Variants in CTNNA3 observed in about 807,000 individuals in gnomAD.
The protein encoded by CTNNA3 is catenin alpha-3.
CTNNA3 carries 76 observed loss-of-function variants against 95.7 expected under a neutral mutation model. The ratio of observed to expected loss-of-function variants is 0.79; its 90% CI spans 0.66 to 0.96. The LOEUF is 0.96. Among genes scored for constraint, CTNNA3 ranks in the 40% least tolerant of loss-of-function variants. CTNNA3 has a pLI of 0.00. For synonymous variants in CTNNA3, 431 were observed against 374.4 expected, an observed-to-expected ratio of 1.15 and a Z score of -1.74; for missense variants, 1,191 against 1,089.8, an observed-to-expected ratio of 1.09 and a Z score of -1.31.
intron 13 of CTNNA3, among the ~76,000 whole-genome samples, chr10:66,233,187 A>C (rs1187393147): frequency 7.8e-6 from 1 of 128,988 alleles, no homozygotes; most frequent in Non-Finnish European, 1.7e-5. Flanking sequence ...AAAAAAAAAA[A>C]AAAATTTCAG....
intron 10 of CTNNA3, among the ~76,000 whole-genome samples, chr10:66,556,577 A>G (rs1842396932): frequency 6.6e-6 from 1 of 152,088 alleles, no homozygotes; most frequent in Non-Finnish European, 1.5e-5. Context: ...TTTCAACAAC[A>G]TGAATGAACT....
At chr10:67,219,344 CA>C (rs771108858) in intron 6 of CTNNA3, among the ~76,000 whole-genome samples, 2 of 152,126 alleles carry the variant, frequency 1.3e-5, no homozygotes, top group Non-Finnish European at 2.9e-5. Flanking sequence ...CTACATAAAA[CA>C]AAGTCATCAT....
At chr10:66,098,601 T>C (rs1055770305) in intron 14 of CTNNA3, 1 of 152,202 alleles carries the variant, frequency 6.6e-6, no homozygotes, top group African/African-American at 2.4e-5. Flanking sequence ...ATCTTATTAA[T>C]AAGTTTAGAA....
At chr10:67,576,694 TC>T (rs1281721399) in intron 3 of CTNNA3, among the ~76,000 whole-genome samples, 2 of 112,450 alleles carry the variant, frequency 1.8e-5, no homozygotes, top group Non-Finnish European at 3.6e-5. Context: ...CCTAATGCTA[TC>T]CCTCCCCCCT....
At chr10:67,248,476 C>T (rs1482201229) in intron 5 of CTNNA3, among the ~76,000 whole-genome samples, 1 of 151,704 alleles carries the variant, frequency 6.6e-6, no homozygotes. Context: ...GTGCAGGTGG[C>T]ACAATTTTGG....
intron 13 of CTNNA3, among the ~76,000 whole-genome samples, chr10:66,219,862 A>G (rs1012685790): frequency 1.3e-5 from 2 of 152,138 alleles, no homozygotes; most frequent in African/African-American, 4.8e-5. Context: ...AGTGGCTCAC[A>G]CCTGTAATCC....
intron 13 of CTNNA3, among the ~76,000 whole-genome samples, chr10:66,161,496 T>G (rs886349283): frequency 6.6e-6 from 1 of 152,214 alleles, no homozygotes; most frequent in Non-Finnish European, 1.5e-5. Flanking sequence ...GGCTGATAAT[T>G]GTTTTGTTCA....
rs188163283 is a variant in CTNNA3, at chr10:67,347,398, G to C, written c.580-127528C>G. Among the ~76,000 whole-genome samples, 3 of 152,086 alleles carry C rather than the reference G, an allele frequency of 2.0e-5. No individual in the cohort carries two copies. The East Asian group carries it at 5.8e-4, about 29-fold the overall frequency. ...CAGAATTTTTACAAAAGCTCCTATTGTTGCATAATGAAACAGTATTCTCTT... is the reference window on the plus strand; with the variant it reads ...CAGAATTTTTACAAAAGCTCCTATTCTTGCATAATGAAACAGTATTCTCTT... On this transcript the variant is annotated intron_variant, in intron 5 of 17. Coordinates refer to ENST00000433211, the MANE Select transcript of CTNNA3 (RefSeq NM_013266.4).
At chr10:67,516,265 A>G (rs1299900501) in intron 5 of CTNNA3, among the ~76,000 whole-genome samples, 1 of 152,182 alleles carries the variant, frequency 6.6e-6, no homozygotes, top group Non-Finnish European at 1.5e-5. Context: ...CCTACCTTAT[A>G]AGGTCCTTGT....
At chr10:66,441,541 T>C (rs572694520) in intron 11 of CTNNA3, among the ~76,000 whole-genome samples, 23 of 152,330 alleles carry the variant, frequency 1.5e-4, no homozygotes, top group African/African-American at 5.3e-4. Flanking sequence ...ATTCCAAGAC[T>C]AAATAATTAA....
intron 15 of CTNNA3, among the ~76,000 whole-genome samples, chr10:66,000,035 A>G (rs1342396176): frequency 1.3e-5 from 2 of 152,246 alleles, no homozygotes; most frequent in East Asian, 3.9e-4. Context: ...TCAAAACATT[A>G]TCTCGTACAC....
intron 7 of CTNNA3, among the ~76,000 whole-genome samples, chr10:66,947,779 T>G (rs375737157): frequency 1.3e-5 from 2 of 152,198 alleles, no homozygotes; most frequent in African/African-American, 4.8e-5. Flanking sequence ...AGAAAAAATT[T>G]TAATCACTGA....
chr10:66,705,835 A>G (rs1848099787), intron 9 of CTNNA3, among the ~76,000 whole-genome samples: 1 of 152,042 alleles, frequency 6.6e-6, no homozygotes, highest in South Asian at 2.1e-4. Context: ...TAGCCCAACT[A>G]TATCTTCCTA....
At chr10:67,281,593 C>A (rs1839403480) in intron 5 of CTNNA3, among the ~76,000 whole-genome samples, 3 of 151,984 alleles carry the variant, frequency 2.0e-5, no homozygotes, top group Non-Finnish European at 4.4e-5. Context: ...ATTTATAATT[C>A]AGCAGGGACT....
chr10:66,302,245 C>T (rs2091872760), intron 12 of CTNNA3, among the ~76,000 whole-genome samples: 1 of 152,042 alleles, frequency 6.6e-6, no homozygotes, highest in East Asian at 1.9e-4. Flanking sequence ...TCTTTCCCTA[C>T]TTGATGTACA....
At chr10:66,623,957 C>A (rs952324438) in intron 9 of CTNNA3, among the ~76,000 whole-genome samples, 1 of 151,984 alleles carries the variant, frequency 6.6e-6, no homozygotes, top group Non-Finnish European at 1.5e-5. Flanking sequence ...AGTATGTTCC[C>A]AAGAACAGTA....
At chr10:67,106,549 A>G (rs1858642697) in intron 7 of CTNNA3, among the ~76,000 whole-genome samples, 1 of 152,248 alleles carries the variant, frequency 6.6e-6, no homozygotes, top group Non-Finnish European at 1.5e-5. Context: ...TTCAGTCAAC[A>G]TTAATATGGC....
intron 7 of CTNNA3, among the ~76,000 whole-genome samples, chr10:66,844,388 A>T (rs771292288): frequency 2.0e-5 from 3 of 152,160 alleles, no homozygotes; most frequent in Non-Finnish European, 2.9e-5. Context: ...AGAGTAGCCT[A>T]TTGATTGGTG....
At chr10:66,891,399 A>C (rs1372371931) in intron 7 of CTNNA3, among the ~76,000 whole-genome samples, 1 of 152,190 alleles carries the variant, frequency 6.6e-6, no homozygotes, top group Non-Finnish European at 1.5e-5. Context: ...GGAAGGCCTC[A>C]TTCAAAGAAA....
Sources: gnomAD v4.1 joint callset for allele counts (sites outside exome capture counted in the v4.1 genomes callset) on GRCh38, gnomAD v4.1.1 for gene constraint, MANE v1.5 for transcripts, NCBI Gene and HGNC (gene_info 2026-07-23, HGNC 2026-07-21) for gene names.